MAP4K4: variants seen among roughly 807,000 people sequenced by gnomAD.
MAP4K4 encodes HPK/GCK-like kinase HGK.
In MAP4K4, 38 loss-of-function variants were observed where a neutral mutation model predicts 189.6. That is an observed-to-expected ratio of 0.20 (90% CI 0.15 to 0.26). The LOEUF (loss-of-function observed/expected upper bound fraction) is 0.26. MAP4K4 is among the 10% of genes least tolerant of loss of function. The pLI, the probability that MAP4K4 is intolerant of heterozygous loss-of-function variation, is 1.00. For missense variants in MAP4K4, 1,054 were observed against 1,726.9 expected (o/e 0.61, Z 6.91); for synonymous variants, 610 against 624.3 (o/e 0.98, Z 0.34).
chr2:101,769,267 G>A (rs1332981211), intron 2 of MAP4K4, among the ~76,000 whole-genome samples: 2 of 152,070 alleles, frequency 1.3e-5, no homozygotes, highest in Admixed American at 6.5e-5. Flanking sequence ...GTTTCAGCTC[G>A]TTTTCATGAA....
At chr2:101,826,068 A>C (rs560030355) in intron 5 of MAP4K4, among the ~76,000 whole-genome samples, 102 of 152,222 alleles carry the variant, frequency 6.7e-4, no homozygotes, top group African/African-American at 2.4e-3. Context: ...ATTACCAGTG[A>C]GTCTCTTCAT....
intron 12 of MAP4K4, among the ~76,000 whole-genome samples, chr2:101,851,744 T>C (rs1392575595): frequency 2.0e-5 from 2 of 101,378 alleles, no homozygotes; most frequent in Admixed American, 9.3e-5. Context: ...TTTTTTTTTT[T>C]TTTTTTTTTT....
intron 2 of MAP4K4, among the ~76,000 whole-genome samples, chr2:101,790,178 G>A (rs750270917): frequency 2.0e-4 from 30 of 152,080 alleles, no homozygotes; most frequent in Admixed American, 5.2e-4. Flanking sequence ...TAATTCTTGC[G>A]AAGTAAAGTA....
intron 11 of MAP4K4, 129 bp from the exon 12 acceptor site, chr2:101,843,968 ATTAG>A: frequency 1.6e-6 from 1 of 622,864 alleles, no homozygotes; most frequent in Non-Finnish European, 2.9e-6. Flanking sequence ...CTGTGGATGT[ATTAG>A]TTGTCTCCCT....
At chr2:101,760,917 C>A (rs914255176) in intron 2 of MAP4K4, among the ~76,000 whole-genome samples, 2 of 152,048 alleles carry the variant, frequency 1.3e-5, no homozygotes, top group Non-Finnish European at 2.9e-5. Context: ...GCAGCAGAAT[C>A]GCTTGAATCT....
chr2:101,764,256 G>A (rs1173504374), intron 2 of MAP4K4, among the ~76,000 whole-genome samples: 2 of 152,100 alleles, frequency 1.3e-5, no homozygotes, highest in Admixed American at 1.3e-4. Flanking sequence ...AATGTCATAC[G>A]TAAAGTTCTT....
chr2:101,770,240 ATTTTTTTTTTTTTT>A (rs34574782), intron 2 of MAP4K4, among the ~76,000 whole-genome samples: 6 of 75,158 alleles, frequency 8.0e-5, no homozygotes, highest in African/African-American at 2.8e-4. Flanking sequence ...GTTCATTCTG[ATTTTTTTTTTTTTT>A]TTTTTTTTTT....
chr2:101,704,952 T>C (rs759011061), intron 2 of MAP4K4, among the ~76,000 whole-genome samples: 4 of 152,170 alleles, frequency 2.6e-5, no homozygotes, highest in Non-Finnish European at 4.4e-5. Flanking sequence ...TCTTTTGTTA[T>C]GGAGCAGGTT....
intron 2 of MAP4K4, among the ~76,000 whole-genome samples, chr2:101,748,275 A>G (rs2066675130): frequency 6.6e-6 from 1 of 152,216 alleles, no homozygotes; most frequent in Admixed American, 6.5e-5. Flanking sequence ...CCATTTGCAC[A>G]TCTTCAAAAA....
chr2:101,716,244 C>A (rs902651819), intron 2 of MAP4K4, among the ~76,000 whole-genome samples: 11 of 152,162 alleles, frequency 7.2e-5, no homozygotes, highest in Non-Finnish European at 1.3e-4. Context: ...GAGATTGAGA[C>A]CATCCTGGCT....
At chr2:101,706,617 A>G (rs2149243691) in intron 2 of MAP4K4, among the ~76,000 whole-genome samples, 1 of 152,322 alleles carries the variant, frequency 6.6e-6, no homozygotes, top group Admixed American at 6.5e-5. Flanking sequence ...CACACGTCAG[A>G]TAATTTATTG....
intron 3 of MAP4K4, among the ~76,000 whole-genome samples, chr2:101,812,863 C>A (rs945043883): frequency 2.6e-5 from 4 of 152,190 alleles, no homozygotes; most frequent in Non-Finnish European, 5.9e-5. Flanking sequence ...CGTGGTGGCT[C>A]ACGCCTGTAA....
chr2:101,869,387 A>T (rs1361177211), intron 21 of MAP4K4, among the ~76,000 whole-genome samples: 1 of 151,262 alleles, frequency 6.6e-6, no homozygotes, highest in Non-Finnish European at 1.5e-5. Flanking sequence ...TTTGAACTGT[A>T]TATGACATCT....
intron 2 of MAP4K4, among the ~76,000 whole-genome samples, chr2:101,786,379 T>C (rs1183284628): frequency 6.6e-6 from 1 of 152,012 alleles, no homozygotes; most frequent in Non-Finnish European, 1.5e-5. Context: ...TGGACCTCTA[T>C]TAAGAATAGT....
At chr2:101,698,611 A>C in intron 2 of MAP4K4, 73 bp downstream of exon 2, 1 of 1,445,058 alleles carries the variant, frequency 6.9e-7, no homozygotes, top group Non-Finnish European at 9.7e-7. Context: ...AGAGGGTGAT[A>C]AACATGCTGC....
intron 2 of MAP4K4, among the ~76,000 whole-genome samples, chr2:101,773,219 A>G (rs7569169): frequency 0.28 from 42,817 of 152,014 alleles, 6,786 homozygotes; most frequent in South Asian, 0.49. Flanking sequence ...ATCAGTAGAG[A>G]CTCTGAATCA....
chr2:101,855,683 G>T (rs966765077), intron 12 of MAP4K4, among the ~76,000 whole-genome samples: 1 of 152,080 alleles, frequency 6.6e-6, no homozygotes, highest in African/African-American at 2.4e-5. Flanking sequence ...CACGAATAAA[G>T]AATTTTCTGT....
chr2:101,709,172 C>T (rs2044029107), intron 2 of MAP4K4, among the ~76,000 whole-genome samples: 1 of 152,154 alleles, frequency 6.6e-6, no homozygotes, highest in Non-Finnish European at 1.5e-5. Context: ...CCTTTATCTT[C>T]CCCAGTCTTA....
intron 3 of MAP4K4, among the ~76,000 whole-genome samples, chr2:101,812,936 G>A (rs2095518672): frequency 6.6e-6 from 1 of 152,102 alleles, no homozygotes. Flanking sequence ...GACCATCCTG[G>A]CTAACACATG....
Sources: allele counts gnomAD v4.1 joint callset (sites outside exome capture counted in the v4.1 genomes callset), GRCh38; gene constraint gnomAD v4.1.1; transcripts MANE v1.5; gene names NCBI Gene and HGNC (gene_info 2026-07-23, HGNC 2026-07-21).